Variants in ZNF420 observed in about 807,000 individuals in gnomAD.
The protein encoded by ZNF420 is zinc finger protein 420.
In ZNF420, 31 loss-of-function variants were observed where a neutral mutation model predicts 44.7. That is an observed-to-expected ratio of 0.69 (90% confidence interval 0.52 to 0.94). ZNF420 has a LOEUF of 0.94. Among genes scored for constraint, ZNF420 ranks in the 40% least tolerant of loss-of-function variants. ZNF420 has a pLI of 0.00. For missense variants in ZNF420, 681 were observed against 827.9 expected, an observed-to-expected ratio of 0.82 and a Z score of 2.18; for synonymous variants, 245 against 267.4, an observed-to-expected ratio of 0.92 and a Z score of 0.82.
chr19:37,084,195 A>T (rs768644827), intron 2 of ZNF420, among the ~76,000 whole-genome samples: 4 of 152,200 alleles, frequency 2.6e-5, no homozygotes, highest in Non-Finnish European at 5.9e-5. Context: ...AACTTTGAAA[A>T]ACAGTTTATA....
chr19:37,079,327 A>T (rs188834838), intron 1 of ZNF420, among the ~76,000 whole-genome samples: 1 of 152,302 alleles, frequency 6.6e-6, no homozygotes, highest in East Asian at 1.9e-4. Context: ...GGTTTAGTCC[A>T]GTACAGAAGT....
At position 37,130,277 on chromosome 19, in the gene ZNF420, C is replaced by A. The variant is rs1267426148; in HGVS notation, c.*1219C>A. ...GCCATACTAGCTCTGGTCTGCTTGC[C>A]TCCTGTTTCTCTTTAAATAAAATTA... On this transcript the variant is annotated 3_prime_UTR_variant, in exon 5 of 5. Transcript: ENST00000337995. The A allele has an allele frequency of 6.4e-6, 9 of 1,417,030 alleles. No individual in the cohort carries two copies. The highest frequency in any genetic ancestry group is 7.4e-6 in the Non-Finnish European group (8 of 1,081,310). The allele number at this position is 1,417,030 out of a possible 1,614,324, so 87.8% of individuals were successfully genotyped here.
At chr19:37,018,545 A>G (rs1229621505) in intron 1 of ZNF420, among the ~76,000 whole-genome samples, 3 of 152,208 alleles carry the variant, frequency 2.0e-5, no homozygotes, top group Admixed American at 6.5e-5. Flanking sequence ...TACATAAAAA[A>G]GAATAAAGTT....
At chr19:37,061,511 G>A (rs934525495) in intron 1 of ZNF420, among the ~76,000 whole-genome samples, 3 of 152,134 alleles carry the variant, frequency 2.0e-5, no homozygotes, top group Admixed American at 1.3e-4. Context: ...ATATCAAGCA[G>A]GTTTTGGGGA....
chr19:37,112,310 A>G (rs977668148), intron 4 of ZNF420, among the ~76,000 whole-genome samples: 1 of 152,114 alleles, frequency 6.6e-6, no homozygotes, highest in African/African-American at 2.4e-5. Flanking sequence ...TGGGGCAGGC[A>G]TAGTGATTTC....
intron 4 of ZNF420, among the ~76,000 whole-genome samples, chr19:37,116,299 G>T (rs914829699): frequency 1.3e-5 from 2 of 148,650 alleles, no homozygotes; most frequent in Non-Finnish European, 3.0e-5. Context: ...AATCCAGGAG[G>T]TGGAGGTTGC....
intron 1 of ZNF420, among the ~76,000 whole-genome samples, chr19:37,064,946 C>T (rs1242298032): frequency 3.9e-5 from 6 of 152,162 alleles, no homozygotes; most frequent in Non-Finnish European, 4.4e-5. Context: ...CCATCACAAT[C>T]GTAGAGGCTG....
chr19:37,101,350 C>T (rs1366666319), intron 4 of ZNF420, among the ~76,000 whole-genome samples: 1 of 152,156 alleles, frequency 6.6e-6, no homozygotes, highest in Non-Finnish European at 1.5e-5. Context: ...CAAAAATTAG[C>T]TGGCCATGGT....
chr19:37,067,831 A>AT (rs915704930), intron 1 of ZNF420, among the ~76,000 whole-genome samples: 46 of 152,296 alleles, frequency 3.0e-4, no homozygotes, highest in African/African-American at 9.6e-4. Context: ...TGTGTACATT[A>AT]TTTTGGTGCT....
At chr19:37,115,324 C>T (rs1970613002) in intron 4 of ZNF420, among the ~76,000 whole-genome samples, 1 of 152,044 alleles carries the variant, frequency 6.6e-6, no homozygotes, top group South Asian at 2.1e-4. Flanking sequence ...GACCGGCGCT[C>T]ACCATACGGA....
intron 2 of ZNF420, among the ~76,000 whole-genome samples, chr19:37,081,692 A>ATTTT (rs1568442797): frequency 2.3e-5 from 3 of 131,102 alleles, no homozygotes; most frequent in African/African-American, 9.0e-5. Flanking sequence ...TGCCCAGCTA[A>ATTTT]TTTTTGTATT....
chr19:37,036,400 C>A (rs1967355401), intron 1 of ZNF420, among the ~76,000 whole-genome samples: 1 of 152,148 alleles, frequency 6.6e-6, no homozygotes, highest in Non-Finnish European at 1.5e-5. Context: ...GCCTATTTCT[C>A]TTTGCCTTCC....
chr19:37,071,800 C>CAAA, intron 1 of ZNF420, among the ~76,000 whole-genome samples: 1 of 107,494 alleles, frequency 9.3e-6, no homozygotes, highest in South Asian at 2.7e-4. Flanking sequence ...GACTCCATCT[C>CAAA]AAAAAAATAA....
chr19:37,056,505 C>T (rs1336847523), intron 1 of ZNF420, among the ~76,000 whole-genome samples: 1 of 152,182 alleles, frequency 6.6e-6, no homozygotes, highest in Non-Finnish European at 1.5e-5. Flanking sequence ...TTGCACTTGT[C>T]CTGGAAAGCG....
At chr19:37,114,654 C>T (rs939327188) in intron 4 of ZNF420, among the ~76,000 whole-genome samples, 6 of 152,142 alleles carry the variant, frequency 3.9e-5, no homozygotes, top group Admixed American at 1.3e-4. Flanking sequence ...GAACCATTAC[C>T]GGCTCTGCTA....
Position 37,062,858 on chromosome 19 carries a change from C to T in ZNF420, c.-124-17487C>T, listed in dbSNP as rs185878450. ...ACTTGCTTAGCAGCTCTAGGAAAGG[C>T]AGACTAGGAATCTCCAGTTAGTTAA... On this transcript the variant is annotated intron_variant, in intron 1 of 4. Coordinates refer to the ZNF420 transcript ENST00000587029. Among the ~76,000 whole-genome samples, 315 of 152,256 alleles carry T rather than the reference C, an allele frequency of 2.1e-3. 3 individuals are homozygous for T. The highest frequency in any genetic ancestry group is 7.1e-3 in the African/African-American group (295 of 41,548).
At chr19:37,036,007 A>C (rs183945498) in intron 1 of ZNF420, among the ~76,000 whole-genome samples, 76 of 152,238 alleles carry the variant, frequency 5.0e-4, no homozygotes, top group African/African-American at 1.4e-3. Flanking sequence ...CCCATGGTTC[A>C]CCATTTTATT....
intron 1 of ZNF420, among the ~76,000 whole-genome samples, chr19:37,054,287 CCT>C (rs1450333484): frequency 2.0e-5 from 3 of 152,218 alleles, no homozygotes; most frequent in African/African-American, 7.2e-5. Flanking sequence ...AAGGGAATTC[CCT>C]GACCCCTTGC....
At chr19:37,100,699 G>A (rs1046419481) in intron 4 of ZNF420, among the ~76,000 whole-genome samples, 2 of 143,068 alleles carry the variant, frequency 1.4e-5, no homozygotes, top group Non-Finnish European at 3.0e-5. Flanking sequence ...GGCGACAAGA[G>A]CAAAACTCCA....
Sources: allele counts gnomAD v4.1 joint callset (sites outside exome capture counted in the v4.1 genomes callset), GRCh38; gene constraint gnomAD v4.1.1; transcripts MANE v1.5; gene names NCBI Gene and HGNC (gene_info 2026-07-23, HGNC 2026-07-21).